Variants in MS4A7 observed in about 807,000 individuals in gnomAD.
MS4A7 encodes membrane-spanning 4-domains subfamily A member 7.
MS4A7 carries 21 observed loss-of-function variants against 23.5 expected under a neutral mutation model. That is an observed-to-expected ratio of 0.89 (90% CI 0.63 to 1.29). MS4A7 has a LOEUF of 1.29. Ranked by LOEUF, MS4A7 falls within the 50% of genes most tolerant of loss-of-function variation. The pLI is 0.00. For synonymous variants in MS4A7, 111 were observed against 107.4 expected (o/e 1.03, Z -0.21); for missense variants, 263 against 274.2 (o/e 0.96, Z 0.29).
At chr11:60,381,950 A>G (rs1201511285) in intron 1 of MS4A7, among the ~76,000 whole-genome samples, 1 of 152,182 alleles carries the variant, frequency 6.6e-6, no homozygotes, top group Non-Finnish European at 1.5e-5. Flanking sequence ...TCCAATTTTT[A>G]CATGTTCTTC....
chr11:60,386,852 C>G, intron 4 of MS4A7, 79 bp downstream of exon 4: 2 of 1,225,486 alleles, frequency 1.6e-6, no homozygotes, highest in Non-Finnish European at 2.3e-6. Context: ...TTAAAAATCC[C>G]TATTTTACAA....
intron 6 of MS4A7, 102 bp from the exon 7 acceptor site, chr11:60,393,684 AG>A (rs1334671175): frequency 8.0e-5 from 53 of 660,420 alleles, no homozygotes; most frequent in Non-Finnish European, 9.9e-6. Context: ...CAAAGTTGGA[AG>A]AACTAGTACT....
intron 5 of MS4A7, among the ~76,000 whole-genome samples, chr11:60,390,446 A>C (rs1405944235): frequency 6.6e-6 from 1 of 152,206 alleles, no homozygotes; most frequent in Non-Finnish European, 1.5e-5. Flanking sequence ...AGTATCTCTC[A>C]TTCCCTTGGA....
At chr11:60,383,414 C>A in intron 2 of MS4A7, 126 bp downstream of exon 2, 1 of 1,083,884 alleles carries the variant, frequency 9.2e-7, no homozygotes, top group Non-Finnish European at 1.3e-6. Context: ...CTAATGAGGA[C>A]ATGAAATGGA....
intron 5 of MS4A7, among the ~76,000 whole-genome samples, chr11:60,390,902 G>T (rs892281405): frequency 1.3e-5 from 2 of 152,120 alleles, no homozygotes; most frequent in African/African-American, 4.8e-5. Context: ...AAGAAAGGAA[G>T]GGAGGGCAGA....
At chr11:60,390,424 G>T (rs2085538617) in intron 5 of MS4A7, among the ~76,000 whole-genome samples, 1 of 152,120 alleles carries the variant, frequency 6.6e-6, no homozygotes. Context: ...AGGAGCACAG[G>T]GAACCCAAGG....
intron 1 of MS4A7, among the ~76,000 whole-genome samples, chr11:60,380,351 A>G (rs1243522532): frequency 2.6e-5 from 4 of 152,256 alleles, no homozygotes; most frequent in Non-Finnish European, 4.4e-5. Context: ...ATATGTGCAT[A>G]GGAAACAAGA....
In MS4A7 at chr11:60,386,733, C is replaced by A; in HGVS notation, c.299C>A (p.Ser100Tyr). ...TCTGGGCAGTTTGGCATTACTGGAT[C>A]CCTCTCAATTATCTCTGGAAAACAA... ...LGALCFGITG[S>Y]LSIISGKQST... Residue 100 changes from serine (S) to tyrosine (Y), a missense_variant, in exon 4 of 7, where the codon TCC becomes TAC. By Grantham distance (144) the Ser-to-Tyr change is moderately radical. Transcript: ENST00000300184. 1 of 1,613,172 alleles carries A rather than the reference C, an allele frequency of 6.2e-7. No homozygotes were observed. The highest frequency in any genetic ancestry group is 8.5e-7 in the Non-Finnish European group (1 of 1,179,238).
chr11:60,389,578 G>T lies in MS4A7; in HGVS notation c.528G>T (p.Leu176=). 2 of 1,613,636 alleles carry T rather than the reference G, an allele frequency of 1.2e-6. No individual in the cohort carries two copies. The highest frequency in any genetic ancestry group is 2.2e-5 in the South Asian group (2 of 91,038). ...YPIYEIKDCL[L]TSVSLTGVLV... ...TATATGAAATCAAAGATTGTCTCCTGACCAGTGTCAGTTTAACAGTGAGTA... is the reference window on the plus strand; with the variant it reads ...TATATGAAATCAAAGATTGTCTCCTTACCAGTGTCAGTTTAACAGTGAGTA... The change falls in exon 5 of 7, where the codon CTG becomes CTT. Residue 176 remains leucine (L), a synonymous_variant. Transcript: ENST00000300184.
intron 1 of MS4A7, among the ~76,000 whole-genome samples, chr11:60,380,746 A>C (rs1393571542): frequency 2.0e-5 from 3 of 152,238 alleles, no homozygotes; most frequent in Non-Finnish European, 4.4e-5. Context: ...GTTGGGAAAA[A>C]GAAATCTTCA....
rs146149101 is a variant in MS4A7 at position 60,379,925 on chromosome 11, G to A, written c.-14+1261G>A. 9.2e-3 allele frequency among the ~76,000 whole-genome samples: 1,398 copies of A among 152,256 alleles called. 70 individuals carry two copies. Among genetic ancestry groups the A allele is most frequent in the Admixed American group, 0.084 (1,291 of 15,302 alleles). ...CACCACCCAACTCCAGAACTTTCTT[G>A]TCTTCCCAAACTGGAACTCCGTGCC... On this transcript the variant is annotated intron_variant, in intron 1 of 6. Coordinates refer to ENST00000300184, the MANE Select transcript of MS4A7 (RefSeq NM_021201.5).
chr11:60,387,908 C>T (rs1009950095), intron 4 of MS4A7, among the ~76,000 whole-genome samples: 3 of 152,192 alleles, frequency 2.0e-5, no homozygotes, highest in African/African-American at 7.2e-5. Flanking sequence ...TCCTCTTCTA[C>T]ATTTTAGGAG....
intron 2 of MS4A7, 40 bp downstream of exon 2, chr11:60,383,328 C>T (rs2085450407): frequency 6.2e-7 from 1 of 1,608,698 alleles, no homozygotes; most frequent in African/African-American, 1.3e-5. Flanking sequence ...TGAGAAAATA[C>T]TTTGTAAATG....
chr11:60,386,588 C>G lies in MS4A7; in HGVS notation c.283-129C>G. 4 of 696,906 alleles carry G rather than the reference C, an allele frequency of 5.7e-6. No homozygotes were observed. In the South Asian group the frequency reaches 8.0e-5, roughly 14 times the overall value. The allele number at this position is 696,906 out of a possible 1,614,324, so 43.2% of individuals were successfully genotyped here. Reference sequence around the variant, plus strand: ...AGGCCTATCTAGCAATATAGATCCACAAGATTTCTGCAGTGTTCTCTCCCT... The same window carrying G: ...AGGCCTATCTAGCAATATAGATCCAGAAGATTTCTGCAGTGTTCTCTCCCT... On this transcript the variant is annotated intron_variant, in intron 3 of 6. Coordinates refer to ENST00000300184, the MANE Select transcript of MS4A7 (RefSeq NM_021201.5).
At chr11:60,391,992 T>A in intron 5 of MS4A7, among the ~76,000 whole-genome samples, 1 of 148,902 alleles carries the variant, frequency 6.7e-6, no homozygotes. Flanking sequence ...AAAAGATATG[T>A]GCATTTGAGA....
intron 5 of MS4A7, among the ~76,000 whole-genome samples, chr11:60,391,609 A>G (rs1327348603): frequency 6.6e-6 from 1 of 152,204 alleles, no homozygotes; most frequent in Non-Finnish European, 1.5e-5. Flanking sequence ...TTAAATCATT[A>G]AAGATGTTTA....
chr11:60,386,313 T>C (rs1297258693), intron 3 of MS4A7, among the ~76,000 whole-genome samples: 1 of 152,236 alleles, frequency 6.6e-6, no homozygotes, highest in African/African-American at 2.4e-5. Flanking sequence ...CTGCACCTTG[T>C]CCCATCAGAG....
At chr11:60,381,985 C>A (rs560210752) in intron 1 of MS4A7, among the ~76,000 whole-genome samples, 7 of 152,332 alleles carry the variant, frequency 4.6e-5, no homozygotes, top group African/African-American at 1.7e-4. Context: ...AGGCCAGAAC[C>A]ATTCCTAAAG....
chr11:60,394,325 A>G lies in MS4A7; in HGVS notation c.*464A>G, dbSNP rs2085587232. 1 of 152,892 alleles carries G rather than the reference A, an allele frequency of 6.5e-6. No individual in the cohort carries two copies. Among genetic ancestry groups the G allele is most frequent in the South Asian group, 2.1e-4 (1 of 4,836 alleles). The allele number at this position is 152,892 out of a possible 1,614,324, so 9.5% of individuals were successfully genotyped here. ...GCCCTGGACACTCTCTGAGAAACAG[A>G]TCTACTGGGCCCTTTTTCATGAGCC... On this transcript the variant is annotated 3_prime_UTR_variant, in exon 7 of 7. Transcript: ENST00000300184.
Sources: gnomAD v4.1 joint callset for allele counts (sites outside exome capture counted in the v4.1 genomes callset) on GRCh38, gnomAD v4.1.1 for gene constraint, MANE v1.5 for transcripts, NCBI Gene and HGNC (gene_info 2026-07-23, HGNC 2026-07-21) for gene names.